IMMP1L: variants seen among roughly 807,000 people sequenced by gnomAD.
The protein encoded by IMMP1L is inner mitochondrial membrane peptidase subunit 1, also known as mitochondrial inner membrane protease subunit 1.
IMMP1L carries 24 observed loss-of-function variants against 21.8 expected under a neutral mutation model. The ratio of observed to expected loss-of-function variants is 1.10; its 90% CI spans 0.80 to 1.55. The LOEUF is 1.55. Among genes scored for constraint, IMMP1L ranks in the 40% most tolerant of loss-of-function variants. The pLI is 0.00. For synonymous variants in IMMP1L, 46 were observed against 62.8 expected, an observed-to-expected ratio of 0.73 and a Z score of 1.26; for missense variants, 195 against 200.7, an observed-to-expected ratio of 0.97 and a Z score of 0.17.
intron 2 of IMMP1L, among the ~76,000 whole-genome samples, chr11:31,461,581 C>T (rs1055561634): frequency 1.3e-5 from 2 of 152,162 alleles, no homozygotes; most frequent in African/African-American, 4.8e-5. Flanking sequence ...TACCTGACCC[C>T]ATGTGATGCA....
Position 31,432,426 on chromosome 11 carries a change from G to T in IMMP1L, c.*74C>A. 1 of 1,012,188 alleles carries T rather than the reference G, an allele frequency of 9.9e-7. No homozygotes were observed. Among genetic ancestry groups the T allele is most frequent in the Non-Finnish European group, 1.6e-6 (1 of 637,928 alleles). 62.7% of individuals were successfully genotyped at this position (1,012,188 alleles called of 1,614,324 possible). On this transcript the variant is annotated 3_prime_UTR_variant, in exon 6 of 6. Coordinates refer to ENST00000532287, the MANE Select transcript of IMMP1L (RefSeq NM_001304274.2). ...TGAATAGCAAATAGTTTATTGGTAA[G>T]TACACGGTTTCAACGGGAGTAATAA... is the stretch of plus-strand genomic sequence containing the variant.
chr11:31,447,963 G>A (rs1168240555), intron 4 of IMMP1L, among the ~76,000 whole-genome samples: 2 of 152,088 alleles, frequency 1.3e-5, no homozygotes, highest in Admixed American at 1.3e-4. Context: ...CCAAAAGGGA[G>A]TTGAATATAT....
intron 4 of IMMP1L, among the ~76,000 whole-genome samples, chr11:31,448,726 A>G (rs1953626687): frequency 1.3e-5 from 2 of 152,208 alleles, no homozygotes; most frequent in African/African-American, 4.8e-5. Flanking sequence ...ATATACTACT[A>G]CAAAATAAGA....
At chr11:31,470,017 A>C (rs72889935) in intron 1 of IMMP1L, among the ~76,000 whole-genome samples, 50 of 152,358 alleles carry the variant, frequency 3.3e-4, no homozygotes, top group Non-Finnish European at 6.3e-4. Context: ...AAAAATAAAA[A>C]CACTTTTAGA....
At chr11:31,478,494 G>A (rs1390162761) in intron 1 of IMMP1L, among the ~76,000 whole-genome samples, 1 of 152,086 alleles carries the variant, frequency 6.6e-6, no homozygotes, top group Admixed American at 6.6e-5. Context: ...GAAATCAATG[G>A]ACGGATTTAT....
chr11:31,432,740 A>G (rs1952953407), intron 5 of IMMP1L, among the ~76,000 whole-genome samples, 172 bp from the exon 6 acceptor site: 1 of 152,230 alleles, frequency 6.6e-6, no homozygotes, highest in Non-Finnish European at 1.5e-5. Context: ...AAATAAACTT[A>G]TGTGTATATA....
chr11:31,479,055 A>T (rs1954808663), intron 1 of IMMP1L, among the ~76,000 whole-genome samples: 1 of 152,086 alleles, frequency 6.6e-6, no homozygotes, highest in South Asian at 2.1e-4. Context: ...GCAAATTTAT[A>T]TGAAAAGACT....
chr11:31,485,360 T>G (rs1223098), intron 1 of IMMP1L, among the ~76,000 whole-genome samples: 97,823 of 151,620 alleles, frequency 0.65, 33,454 homozygotes, highest in African/African-American at 0.89. Flanking sequence ...CTTTCAATAA[T>G]CCTACAACTG....
chr11:31,496,915 CTTATATA>C (rs925985104), intron 1 of IMMP1L, among the ~76,000 whole-genome samples: 4 of 147,336 alleles, frequency 2.7e-5, no homozygotes, highest in African/African-American at 7.4e-5. Context: ...ATAATACAAT[CTTATATA>C]TTATATACAA....
At chr11:31,475,462 T>C (rs1954695121) in intron 1 of IMMP1L, among the ~76,000 whole-genome samples, 2 of 152,176 alleles carry the variant, frequency 1.3e-5, no homozygotes, top group African/African-American at 4.8e-5. Flanking sequence ...CTCCAACTCC[T>C]GGGCTCAAAG....
At chr11:31,453,543 T>TA (rs577001132) in intron 4 of IMMP1L, among the ~76,000 whole-genome samples, 20 of 152,224 alleles carry the variant, frequency 1.3e-4, no homozygotes, top group South Asian at 8.3e-4. Context: ...CTGAAATAGC[T>TA]AAAAAAAGGG....
At chr11:31,487,161 C>T (rs1955108258) in intron 1 of IMMP1L, among the ~76,000 whole-genome samples, 1 of 151,746 alleles carries the variant, frequency 6.6e-6, no homozygotes, top group Non-Finnish European at 1.5e-5. Context: ...TTTCTGCTAT[C>T]AACAATTTCC....
At chr11:31,502,489 A>G (rs1024027496) in intron 1 of IMMP1L, among the ~76,000 whole-genome samples, 6 of 152,196 alleles carry the variant, frequency 3.9e-5, no homozygotes, top group African/African-American at 1.4e-4. Context: ...GGATTTATTT[A>G]TTTCTTTAGA....
At chr11:31,460,077 A>G (rs1954083899) in intron 3 of IMMP1L, among the ~76,000 whole-genome samples, 1 of 152,002 alleles carries the variant, frequency 6.6e-6, no homozygotes, top group Non-Finnish European at 1.5e-5. Context: ...GGATCACTGG[A>G]GCCCAGGAGG....
At chr11:31,450,187 T>G (rs1953694613) in intron 4 of IMMP1L, among the ~76,000 whole-genome samples, 1 of 152,208 alleles carries the variant, frequency 6.6e-6, no homozygotes, top group Non-Finnish European at 1.5e-5. Context: ...ATTATCTGTA[T>G]AGTAGTTCAA....
At chr11:31,456,653 A>C (rs1953948550) in intron 3 of IMMP1L, among the ~76,000 whole-genome samples, 1 of 151,982 alleles carries the variant, frequency 6.6e-6, no homozygotes, top group African/African-American at 2.4e-5. Flanking sequence ...ATTCTACAAG[A>C]ATTATCTTTT....
At chr11:31,445,724 T>C (rs1268054229) in intron 4 of IMMP1L, among the ~76,000 whole-genome samples, 10 of 130,876 alleles carry the variant, frequency 7.6e-5, no homozygotes, top group Admixed American at 7.6e-4. Flanking sequence ...GGATGACAGA[T>C]GAATTTTTTT....
At chr11:31,453,069 A>G (rs1007885442) in intron 4 of IMMP1L, 83 of 1,289,148 alleles carry the variant, frequency 6.4e-5, no homozygotes, top group Non-Finnish European at 7.8e-5. Context: ...GCATCTTAAT[A>G]GGAACTGCTT....
chr11:31,477,087 T>C (rs993341600), intron 1 of IMMP1L: 2 of 152,094 alleles, frequency 1.3e-5, no homozygotes, highest in African/African-American at 4.8e-5. Context: ...ATTACCTTCA[T>C]TACAAAAAAT....
Sources: allele counts gnomAD v4.1 joint callset (sites outside exome capture counted in the v4.1 genomes callset), GRCh38; gene constraint gnomAD v4.1.1; transcripts MANE v1.5; gene names NCBI Gene and HGNC (gene_info 2026-07-23, HGNC 2026-07-21).